CDC5L: variants seen among roughly 807,000 people sequenced by gnomAD.
CDC5L encodes cell division cycle 5 like.
A neutral mutation model predicts 104.1 loss-of-function variants in CDC5L; 18 were observed. The ratio of observed to expected loss-of-function variants is 0.17; its 90% confidence interval spans 0.12 to 0.26. CDC5L has a LOEUF of 0.26. Among genes scored for constraint, CDC5L ranks in the 10% least tolerant of loss-of-function variants. CDC5L has a pLI of 1.00. For missense variants in CDC5L, 673 were observed against 956.9 expected (o/e 0.70, Z 3.91); for synonymous variants, 331 against 322.7 (o/e 1.03, Z -0.28).
At chr6:44,440,790 C>A (rs544826282) in intron 14 of CDC5L, among the ~76,000 whole-genome samples, 76 of 150,818 alleles carry the variant, frequency 5.0e-4, no homozygotes, top group Non-Finnish European at 8.5e-4. Flanking sequence ...TCACTGCAAC[C>A]TCTGCCTCCT....
intron 7 of CDC5L, among the ~76,000 whole-genome samples, chr6:44,407,973 C>G (rs758115311): frequency 9.3e-5 from 14 of 149,776 alleles, no homozygotes; most frequent in Non-Finnish European, 2.0e-4. Flanking sequence ...TTCAGTCTTC[C>G]TCCTCCAATT....
chr6:44,420,842 T>C (rs1202288154), intron 9 of CDC5L, among the ~76,000 whole-genome samples: 1 of 152,204 alleles, frequency 6.6e-6, no homozygotes, highest in South Asian at 2.1e-4. Flanking sequence ...GATACTCTTA[T>C]CTATACCGGC....
chr6:44,422,605 T>G, intron 9 of CDC5L, 42 bp from the exon 10 acceptor site: 1 of 1,330,664 alleles, frequency 7.5e-7, no homozygotes, highest in Non-Finnish European at 1.0e-6. Flanking sequence ...ACAATCCAAA[T>G]GTAAGTGGCA....
chr6:44,393,285 A>G (rs546139774), intron 3 of CDC5L, among the ~76,000 whole-genome samples, 161 bp from the exon 4 acceptor site: 1 of 149,982 alleles, frequency 6.7e-6, no homozygotes, highest in South Asian at 2.1e-4. Context: ...AAATTTTAAT[A>G]TCATTTCTTT....
intron 8 of CDC5L, among the ~76,000 whole-genome samples, chr6:44,409,119 C>T (rs1026550376): frequency 3.3e-5 from 5 of 152,196 alleles, no homozygotes; most frequent in African/African-American, 1.2e-4. Context: ...GGTACACTTA[C>T]ATCTCATTTC....
intron 11 of CDC5L, among the ~76,000 whole-genome samples, chr6:44,425,451 C>G (rs1792376851): frequency 6.6e-6 from 1 of 152,076 alleles, no homozygotes. Context: ...AGTGGTGAAT[C>G]CTAAACTAGA....
intron 14 of CDC5L, among the ~76,000 whole-genome samples, chr6:44,435,470 T>A (rs1007460064): frequency 2.0e-5 from 3 of 151,924 alleles, no homozygotes; most frequent in Admixed American, 6.5e-5. Flanking sequence ...CTTGTTTACA[T>A]GTGTCTAGAA....
chr6:44,440,209 G>A (rs1027963980), intron 14 of CDC5L, among the ~76,000 whole-genome samples: 3 of 150,726 alleles, frequency 2.0e-5, no homozygotes, highest in East Asian at 3.9e-4. Flanking sequence ...AGTGTTACTC[G>A]CCTGCCTCCA....
At chr6:44,409,094 A>G (rs1791514060) in intron 8 of CDC5L, among the ~76,000 whole-genome samples, 1 of 152,196 alleles carries the variant, frequency 6.6e-6, no homozygotes, top group Non-Finnish European at 1.5e-5. Flanking sequence ...CCTACAAAAC[A>G]TAGTTGGGTC....
At chr6:44,406,729 C>T (rs958340792) in intron 7 of CDC5L, among the ~76,000 whole-genome samples, 11 of 152,054 alleles carry the variant, frequency 7.2e-5, no homozygotes, top group African/African-American at 1.2e-4. Context: ...TCCTGCCCAG[C>T]ATGGTGAAAC....
At position 44,449,833 on chromosome 6, in the gene CDC5L, A is replaced by G. The variant is rs1440386937; in HGVS notation, c.*3122A>G. On this transcript the variant is annotated 3_prime_UTR_variant, in exon 16 of 16. Transcript: ENST00000371477. ...TTATTTAGGAAATTTACATTTTTAC[A>G]TTAGTGAGATTGGTCTTTTGGGCTA... The G allele has an allele frequency of 2.7e-5, 4 of 147,926 alleles. No homozygotes were observed. Among genetic ancestry groups the G allele is most frequent in the Non-Finnish European group, 4.5e-5 (3 of 66,786 alleles). 9.2% of individuals were successfully genotyped at this position (147,926 alleles called of 1,614,324 possible). A position where few individuals can be genotyped will look rare whatever the true frequency, so the allele number is the denominator to read the frequency against.
chr6:44,397,763 CAT>C (rs1326814736), intron 5 of CDC5L, among the ~76,000 whole-genome samples: 4 of 152,216 alleles, frequency 2.6e-5, no homozygotes, highest in Non-Finnish European at 4.4e-5. Flanking sequence ...TTTAGGCCCT[CAT>C]AGAAATCTTT....
rs1791364713 is a variant in CDC5L at position 44,406,357 on chromosome 6, C to A, written c.793C>A (p.Gln265Lys). The change falls in exon 7 of 16, where the codon CAG (glutamine) becomes AAG (lysine). Residue 265 changes from glutamine (Q) to lysine (K), a missense_variant. Transcript: ENST00000371477. ...AGGAAGAGATAGAAAAAAAGACAAA[C>A]AGCATTTGAAAAGGAAAAAAGAATC... is the stretch of plus-strand genomic sequence containing the variant. ...KEGRDRKKDK[Q>K]HLKRKKESDL... The A allele has an allele frequency of 6.2e-7, 1 of 1,606,564 alleles. No homozygotes were observed. The highest frequency in any genetic ancestry group is 1.3e-5 in the African/African-American group (1 of 74,780).
chr6:44,395,077 G>T lies in CDC5L; in HGVS notation c.440-1264G>T, dbSNP rs145692656. The stretch of plus-strand genomic sequence containing the variant: ...GGGAGCTAAAAGCGTTGATCTCATG[G>T]AGTTAGAATAGAGTGATAGATGCCA... On this transcript the variant is annotated intron_variant, in intron 4 of 15. Coordinates refer to ENST00000371477, the MANE Select transcript of CDC5L (RefSeq NM_001253.4). 7.1e-4 allele frequency among the ~76,000 whole-genome samples: 108 copies of T among 152,240 alleles called. 1 individual carries two copies. The East Asian group carries it at 0.019, about 27-fold the overall frequency.
intron 3 of CDC5L, 126 bp downstream of exon 3, chr6:44,392,954 A>C: frequency 1.4e-6 from 1 of 691,780 alleles, no homozygotes; most frequent in South Asian, 2.6e-5. Flanking sequence ...AGCTAAAGCC[A>C]TTGGATAATA....
intron 13 of CDC5L, among the ~76,000 whole-genome samples, chr6:44,427,167 G>T (rs919937349): frequency 1.3e-5 from 2 of 152,020 alleles, no homozygotes; most frequent in African/African-American, 4.8e-5. Context: ...TTTTTTTACT[G>T]AATATATTCC....
At chr6:44,411,006 T>A (rs893856283) in intron 8 of CDC5L, among the ~76,000 whole-genome samples, 2 of 143,628 alleles carry the variant, frequency 1.4e-5, no homozygotes, top group Non-Finnish European at 3.0e-5. Context: ...TTGTTCAGTA[T>A]TTTTTTTTTT....
intron 14 of CDC5L, among the ~76,000 whole-genome samples, chr6:44,434,337 G>T (rs1034636486): frequency 6.6e-6 from 1 of 152,184 alleles, no homozygotes. Context: ...TTTCAGGGAT[G>T]CAATCTGATG....
chr6:44,428,242 G>C (rs528903298), intron 13 of CDC5L, among the ~76,000 whole-genome samples: 52 of 152,016 alleles, frequency 3.4e-4, no homozygotes, highest in African/African-American at 1.2e-3. Flanking sequence ...ACATTGATTT[G>C]TTTCCATTAT....
Sources: allele counts gnomAD v4.1 joint callset (sites outside exome capture counted in the v4.1 genomes callset), GRCh38; gene constraint gnomAD v4.1.1; transcripts MANE v1.5; gene names NCBI Gene and HGNC (gene_info 2026-07-23, HGNC 2026-07-21).